The following RCC1L variants were observed in gnomAD, a reference collection of about 807,000 sequenced individuals.
RCC1L encodes RCC1-like G exchanging factor-like protein.
In RCC1L, 46 loss-of-function variants were observed where a neutral mutation model predicts 58.6. That is an observed-to-expected ratio of 0.79 (90% confidence interval 0.62 to 1.00). The LOEUF (loss-of-function observed/expected upper bound fraction) is 1.00. Among genes scored for constraint, RCC1L ranks in the 50% least tolerant of loss-of-function variants. The pLI is 0.00. For synonymous variants in RCC1L, 281 were observed against 262.9 expected (o/e 1.07, Z -0.67); for missense variants, 636 against 623.6 (o/e 1.02, Z -0.21).
At chr7:75,039,706 C>T (rs1193258375), downstream of RCC1L, among the ~76,000 whole-genome samples, 1 of 152,074 alleles carries the variant, frequency 6.6e-6, no homozygotes, top group African/African-American at 2.4e-5. Context: ...GTTACTGACC[C>T]CATCAGAGAG....
chr7:75,037,161 T>C (rs1584485931), intron 10 of RCC1L, among the ~76,000 whole-genome samples: 1 of 152,168 alleles, frequency 6.6e-6, no homozygotes, highest in East Asian at 1.9e-4. Flanking sequence ...CAACAGTATC[T>C]AGGTTTATCC....
At chr7:75,033,190 A>G (rs1805353646) in intron 10 of RCC1L, among the ~76,000 whole-genome samples, 1 of 151,896 alleles carries the variant, frequency 6.6e-6, no homozygotes, top group Non-Finnish European at 1.5e-5. Context: ...GACCCACTAT[A>G]GCCCCTGCAC....
chr7:75,037,978 C>A (rs982257699), downstream of RCC1L, among the ~76,000 whole-genome samples: 1 of 152,180 alleles, frequency 6.6e-6, no homozygotes, highest in South Asian at 2.1e-4. Flanking sequence ...GAATTCGGAA[C>A]CCTTGGTTGG....
chr7:75,038,938 C>T (rs1297650730), downstream of RCC1L, among the ~76,000 whole-genome samples: 3 of 152,128 alleles, frequency 2.0e-5, no homozygotes, highest in African/African-American at 2.4e-5. Flanking sequence ...GGCAGGGAAG[C>T]GAAGCGATTC....
At chr7:75,068,600 C>T (rs1806596390) in intron 2 of RCC1L, among the ~76,000 whole-genome samples, 1 of 150,550 alleles carries the variant, frequency 6.6e-6, no homozygotes, top group African/African-American at 2.4e-5. Context: ...GCAACAGAAT[C>T]ACCTGAACCC....
At chr7:75,058,019 G>A (rs1329628793) in intron 7 of RCC1L, 44 of 303,144 alleles carry the variant, frequency 1.5e-4, no homozygotes, top group Admixed American at 6.0e-4. Flanking sequence ...TTAGCTGGGC[G>A]TGGTGGCAAG....
intron 1 of RCC1L, among the ~76,000 whole-genome samples, chr7:75,071,626 T>A (rs1401520424): frequency 2.6e-5 from 4 of 151,900 alleles, no homozygotes. Flanking sequence ...GGTGACAGAA[T>A]AAGACTCTGT....
chr7:75,032,455 CTG>C (rs1254599374), intron 10 of RCC1L, among the ~76,000 whole-genome samples: 1 of 152,178 alleles, frequency 6.6e-6, no homozygotes, highest in Non-Finnish European at 1.5e-5. Context: ...AGGCGGGACA[CTG>C]GGGCTGTGCC....
At chr7:75,050,031 G>A (rs1805856567) in intron 10 of RCC1L, among the ~76,000 whole-genome samples, 1 of 152,230 alleles carries the variant, frequency 6.6e-6, no homozygotes, top group South Asian at 2.1e-4. Context: ...CTCCCTGAAT[G>A]TGCAAGAGGA....
chr7:75,049,016 G>A (rs1805828809), intron 10 of RCC1L, among the ~76,000 whole-genome samples: 1 of 152,174 alleles, frequency 6.6e-6, no homozygotes, highest in Non-Finnish European at 1.5e-5. Flanking sequence ...TTTGAATCAG[G>A]TGGCTCAGAT....
intron 3 of RCC1L, among the ~76,000 whole-genome samples, chr7:75,066,121 T>C (rs757309682): frequency 2.0e-5 from 3 of 151,724 alleles, no homozygotes; most frequent in Non-Finnish European, 2.9e-5. Flanking sequence ...TATAAATACA[T>C]GTGATTTTCC....
intron 5 of RCC1L, 97 bp downstream of exon 5, chr7:75,063,195 A>T: frequency 7.8e-7 from 1 of 1,279,154 alleles, no homozygotes. Context: ...TAATTCAGAA[A>T]ATCCCCCTAA....
intron 5 of RCC1L, 126 bp downstream of exon 5, chr7:75,063,166 A>C (rs1205627158): frequency 9.3e-7 from 1 of 1,072,242 alleles, no homozygotes; most frequent in African/African-American, 1.6e-5. Context: ...AGTAGGCTAC[A>C]ATTTTTACTA....
chr7:75,072,157 TA>T (rs1806768881), intron 1 of RCC1L, among the ~76,000 whole-genome samples: 1 of 56,362 alleles, frequency 1.8e-5, no homozygotes, highest in African/African-American at 5.4e-5. Context: ...TACATATACA[TA>T]TACATATATA....
At chr7:75,046,429 C>T (rs945793013) in intron 10 of RCC1L, among the ~76,000 whole-genome samples, 16 of 152,316 alleles carry the variant, frequency 1.1e-4, no homozygotes, top group Non-Finnish European at 2.2e-4. Context: ...CCCCCAGGTC[C>T]TTGCTCCCCG....
chr7:75,028,688 C>T (rs1306859804), intron 10 of RCC1L, among the ~76,000 whole-genome samples: 2 of 152,152 alleles, frequency 1.3e-5, no homozygotes, highest in African/African-American at 4.8e-5. Flanking sequence ...CTCAGCCCGT[C>T]GTCCTAACCC....
intron 5 of RCC1L, 44 bp from the exon 6 acceptor site, chr7:75,061,335 G>A (rs1806272527): frequency 1.3e-6 from 2 of 1,544,338 alleles, no homozygotes; most frequent in South Asian, 2.2e-5. Flanking sequence ...GAAATACTTA[G>A]AACCCTGGTG....
chr7:75,034,805 A>G (rs1406409379), intron 10 of RCC1L, among the ~76,000 whole-genome samples: 5 of 151,728 alleles, frequency 3.3e-5, no homozygotes, highest in South Asian at 2.1e-4. Flanking sequence ...GGCGTGCACC[A>G]CCATGTTTGG....
chr7:75,038,943 C>T (rs1011844633), downstream of RCC1L, among the ~76,000 whole-genome samples: 18 of 152,322 alleles, frequency 1.2e-4, no homozygotes, highest in Non-Finnish European at 1.9e-4. Context: ...GGAAGCGAAG[C>T]GATTCTCCTG....
Sources: gnomAD v4.1 joint callset for allele counts (sites outside exome capture counted in the v4.1 genomes callset) on GRCh38, gnomAD v4.1.1 for gene constraint, MANE v1.5 for transcripts, NCBI Gene and HGNC (gene_info 2026-07-23, HGNC 2026-07-21) for gene names.